Variants in SOCS6 observed in about 807,000 individuals in gnomAD.
SOCS6 encodes suppressor of cytokine signaling 6, also known as STAT induced STAT inhibitor-4.
Under a neutral mutation model 27.7 loss-of-function variants are expected in SOCS6, and 5 were observed. That is an observed-to-expected ratio of 0.18 (90% CI 0.09 to 0.38). The LOEUF (loss-of-function observed/expected upper bound fraction) is 0.38. Ranked by LOEUF, SOCS6 falls within the 10% of genes least tolerant of loss-of-function variation. SOCS6 has a pLI of 1.00. For missense variants in SOCS6, 595 were observed against 688.1 expected (o/e 0.86, Z 1.51); for synonymous variants, 271 against 260.0 (o/e 1.04, Z -0.41).
rs1351198427 is a variant in SOCS6 at position 70,326,531 on chromosome 18, A to G, written c.*255A>G. ...TTTCATCAATGTGCAGAATAATCAC[A>G]ATGTGAATTATCAAATTCTCCTCAA... On this transcript the variant is annotated 3_prime_UTR_variant, in exon 2 of 2. Transcript: ENST00000397942. 4 of 449,552 alleles carry G rather than the reference A, an allele frequency of 8.9e-6. No homozygotes were observed. Among genetic ancestry groups the G allele is most frequent in the Non-Finnish European group, 1.6e-5 (4 of 245,166 alleles). The allele number at this position is 449,552 out of a possible 1,614,324, so 27.8% of individuals were successfully genotyped here. A position where few individuals can be genotyped will look rare whatever the true frequency, so the allele number is the denominator to read the frequency against.
At chr18:70,314,300 G>T (rs917858731) in intron 1 of SOCS6, 2 of 151,608 alleles carry the variant, frequency 1.3e-5, no homozygotes, top group Admixed American at 6.6e-5. Flanking sequence ...TGACTTGTAC[G>T]TATGAATTTT....
At chr18:70,289,737 C>T (rs553887538) in intron 1 of SOCS6, among the ~76,000 whole-genome samples, 20 of 152,066 alleles carry the variant, frequency 1.3e-4, no homozygotes, top group African/African-American at 4.8e-4. Context: ...GGCTGCTCTG[C>T]GGCTGAAGGT....
chr18:70,292,630 G>C (rs905741272), intron 1 of SOCS6, among the ~76,000 whole-genome samples: 2 of 152,146 alleles, frequency 1.3e-5, no homozygotes, highest in South Asian at 2.1e-4. Flanking sequence ...TTGCAGGCAC[G>C]AGCCACTGTG....
rs928266230 is a variant in SOCS6 at position 70,311,632 on chromosome 18, A to C, written c.-126-12911A>C. On this transcript the variant is annotated intron_variant, in intron 1 of 1. Transcript: ENST00000397942. ...AACTTCCTGATCCTTTTTACTGTTCACTAGAGATGTAATCGCTGTTACTTG... is the reference window on the plus strand; with the variant it reads ...AACTTCCTGATCCTTTTTACTGTTCCCTAGAGATGTAATCGCTGTTACTTG... Among the ~76,000 whole-genome samples the C allele has an allele frequency of 4.6e-5, 7 of 152,312 alleles. No homozygotes were observed. In the South Asian group the frequency reaches 1.4e-3, roughly 32 times the overall value.
chr18:70,324,486 C>T (rs2231561), intron 1 of SOCS6, 57 bp from the exon 2 acceptor site: 268,383 of 499,028 alleles, frequency 0.54, 74,443 homozygotes, highest in East Asian at 0.78. Context: ...CTGACTAAAA[C>T]AAAACTTTTG....
Sources: allele counts gnomAD v4.1 joint callset (sites outside exome capture counted in the v4.1 genomes callset), GRCh38; gene constraint gnomAD v4.1.1; transcripts MANE v1.5; gene names NCBI Gene and HGNC (gene_info 2026-07-23, HGNC 2026-07-21).